Variants in PPTC7 observed in about 807,000 individuals in gnomAD.
PPTC7 encodes protein phosphatase PTC7 homolog.
A neutral mutation model predicts 30.8 loss-of-function variants in PPTC7; 6 were observed. That is an observed-to-expected ratio of 0.19 (90% CI 0.11 to 0.38). The LOEUF (loss-of-function observed/expected upper bound fraction) is 0.38. PPTC7 is among the 10% of genes least tolerant of loss of function. The pLI is 1.00. For synonymous variants in PPTC7, 163 were observed against 168.1 expected, an observed-to-expected ratio of 0.97 and a Z score of 0.23; for missense variants, 218 against 404.8, an observed-to-expected ratio of 0.54 and a Z score of 3.96.
At chr12:110,553,312 G>A (rs1267928754) in intron 1 of PPTC7, among the ~76,000 whole-genome samples, 1 of 151,564 alleles carries the variant, frequency 6.6e-6, no homozygotes, top group Non-Finnish European at 1.5e-5. Flanking sequence ...ATCACGCCTG[G>A]CTTTTTTGTA....
chr12:110,540,321 CTTTTT>C (rs11369595), intron 3 of PPTC7, among the ~76,000 whole-genome samples: 1 of 105,046 alleles, frequency 9.5e-6, no homozygotes, highest in East Asian at 2.9e-4. Flanking sequence ...CCCCCCCCGC[CTTTTT>C]TTTTTTTTTT....
At chr12:110,555,122 TTG>T (rs778899105) in intron 1 of PPTC7, among the ~76,000 whole-genome samples, 6 of 152,132 alleles carry the variant, frequency 3.9e-5, no homozygotes, top group Non-Finnish European at 7.3e-5. Context: ...TTAACATGAA[TTG>T]GACATGTGAA....
intron 3 of PPTC7, 133 bp downstream of exon 3, chr12:110,545,747 G>A (rs1034615909): frequency 1.3e-6 from 1 of 753,198 alleles, no homozygotes; most frequent in East Asian, 2.6e-5. Flanking sequence ...AAACTAAAAG[G>A]TCCTCTTGAT....
intron 1 of PPTC7, among the ~76,000 whole-genome samples, chr12:110,582,015 C>T (rs2064641341): frequency 6.6e-6 from 1 of 152,182 alleles, no homozygotes; most frequent in Non-Finnish European, 1.5e-5. Flanking sequence ...ATATTTAGCC[C>T]TTTCTGCCAG....
chr12:110,541,134 C>T (rs2064256171), intron 3 of PPTC7, among the ~76,000 whole-genome samples: 1 of 151,496 alleles, frequency 6.6e-6, no homozygotes, highest in Non-Finnish European at 1.5e-5. Context: ...GTAATCCCAG[C>T]ACTTTGGGAG....
chr12:110,545,835 T>A, intron 3 of PPTC7, 45 bp downstream of exon 3: 1 of 1,582,500 alleles, frequency 6.3e-7, no homozygotes, highest in Non-Finnish European at 8.7e-7. Context: ...GGACTATGAA[T>A]GAGCCACGTC....
chr12:110,536,824 A>T lies in PPTC7; in HGVS notation c.*213T>A, dbSNP rs1366183184. The stretch of plus-strand genomic sequence containing the variant: ...ATGAAGGCCAATCTTCAAATATTGG[A>T]TCTCTTCAATTGCTGCCGGCAGATA... On this transcript the variant is annotated 3_prime_UTR_variant, in exon 6 of 6. Coordinates refer to ENST00000354300, the MANE Select transcript of PPTC7 (RefSeq NM_139283.2). 1 of 479,462 alleles carries T rather than the reference A, an allele frequency of 2.1e-6. No homozygotes were observed. Among genetic ancestry groups the T allele is most frequent in the East Asian group, 3.3e-5 (1 of 30,702 alleles). The allele number at this position is 479,462 out of a possible 1,614,324, so 29.7% of individuals were successfully genotyped here. A position where few individuals can be genotyped will look rare whatever the true frequency, so the allele number is the denominator to read the frequency against.
intron 1 of PPTC7, 80 bp downstream of exon 1, chr12:110,582,729 G>A: frequency 8.2e-7 from 1 of 1,215,774 alleles, no homozygotes. Context: ...GCCGCCGGGA[G>A]GAACTGGGGA....
chr12:110,547,885 A>G (rs940626949), intron 2 of PPTC7, among the ~76,000 whole-genome samples: 2 of 152,102 alleles, frequency 1.3e-5, no homozygotes, highest in African/African-American at 4.8e-5. Context: ...CGGGTGGATC[A>G]CTTGAGGCCA....
intron 1 of PPTC7, among the ~76,000 whole-genome samples, chr12:110,572,795 T>C (rs2064549758): frequency 6.6e-6 from 1 of 152,238 alleles, no homozygotes; most frequent in African/African-American, 2.4e-5. Flanking sequence ...AGCTTGCTGA[T>C]GAGAGCAATT....
intron 1 of PPTC7, among the ~76,000 whole-genome samples, chr12:110,567,078 T>C (rs1169484652): frequency 6.6e-6 from 1 of 152,202 alleles, no homozygotes; most frequent in East Asian, 1.9e-4. Context: ...TCTTCGTCAC[T>C]ACAATAATAC....
chr12:110,554,891 G>A (rs2064374341), intron 1 of PPTC7, among the ~76,000 whole-genome samples: 1 of 152,094 alleles, frequency 6.6e-6, no homozygotes, highest in Non-Finnish European at 1.5e-5. Context: ...AACAAAATGG[G>A]AATTTTTGCC....
intron 3 of PPTC7, among the ~76,000 whole-genome samples, chr12:110,542,223 T>C (rs1297739280): frequency 6.6e-6 from 1 of 151,354 alleles, no homozygotes; most frequent in Non-Finnish European, 1.5e-5. Context: ...CTCTCCAAAT[T>C]GGGGGAAAAA....
At chr12:110,544,848 G>GA (rs1262362135) in intron 3 of PPTC7, among the ~76,000 whole-genome samples, 2 of 151,858 alleles carry the variant, frequency 1.3e-5, no homozygotes, top group Non-Finnish European at 2.9e-5. Flanking sequence ...AAGGGGCGGG[G>GA]AAAAAAAGCA....
In PPTC7 at chr12:110,534,408, G is replaced by T. The variant is rs1199390008; in HGVS notation, c.*2629C>A. 1.3e-5 allele frequency: 2 copies of T among 151,994 alleles called. No individual in the cohort carries two copies. The highest frequency in any genetic ancestry group is 2.1e-4 in the South Asian group (1 of 4,820). 9.4% of individuals were successfully genotyped at this position (151,994 alleles called of 1,614,324 possible). ...TCCATTACATGAGGCGTGTGTGTGTGTGTGTGTTGCTTAAAATATAATTAA... is the reference window on the plus strand; with the variant it reads ...TCCATTACATGAGGCGTGTGTGTGTTTGTGTGTTGCTTAAAATATAATTAA... On this transcript the variant is annotated 3_prime_UTR_variant, in exon 6 of 6. Transcript: ENST00000354300.
chr12:110,556,278 T>C (rs1275826207), intron 1 of PPTC7, among the ~76,000 whole-genome samples: 1 of 152,026 alleles, frequency 6.6e-6, no homozygotes, highest in East Asian at 1.9e-4. Flanking sequence ...GAGAGAGAAA[T>C]TCAAAAAGCA....
intron 1 of PPTC7, among the ~76,000 whole-genome samples, chr12:110,564,072 T>C (rs371100133): frequency 1.7e-4 from 26 of 152,384 alleles, no homozygotes; most frequent in Admixed American, 1.0e-3. Context: ...AAACTTGGTA[T>C]GAATCACTGG....
chr12:110,551,674 C>G (rs1004009221), intron 2 of PPTC7, 115 bp downstream of exon 2: 5 of 959,960 alleles, frequency 5.2e-6, no homozygotes, highest in Non-Finnish European at 8.0e-6. Flanking sequence ...CTATCACACT[C>G]TGCTTAGTAG....
At chr12:110,555,938 T>A (rs1343463403) in intron 1 of PPTC7, among the ~76,000 whole-genome samples, 1 of 152,248 alleles carries the variant, frequency 6.6e-6, no homozygotes, top group Admixed American at 6.5e-5. Context: ...GATGAATCAT[T>A]CATTCTTTTC....
Sources: gnomAD v4.1 joint callset for allele counts (sites outside exome capture counted in the v4.1 genomes callset) on GRCh38, gnomAD v4.1.1 for gene constraint, MANE v1.5 for transcripts, NCBI Gene and HGNC (gene_info 2026-07-23, HGNC 2026-07-21) for gene names.